Variants in EML4 observed in about 807,000 individuals in gnomAD.
The protein encoded by EML4 is EMAP like 4, also known as echinoderm microtubule-associated protein-like 4.
Under a neutral mutation model 129.0 loss-of-function variants are expected in EML4, and 72 were observed. The ratio of observed to expected loss-of-function variants is 0.56; its 90% CI spans 0.46 to 0.68. The LOEUF (loss-of-function observed/expected upper bound fraction) is 0.68. Ranked by LOEUF, EML4 falls within the 30% of genes least tolerant of loss-of-function variation. The pLI is 0.00. For missense variants in EML4, 1,363 were observed against 1,190.6 expected, an observed-to-expected ratio of 1.14 and a Z score of -2.13; for synonymous variants, 532 against 405.0, an observed-to-expected ratio of 1.31 and a Z score of -3.77.
At position 42,330,167 on chromosome 2, in the gene EML4, C is replaced by T; in HGVS notation, c.2906C>T (p.Thr969Ile). The change falls in exon 23 of 23, where the codon ACC becomes ATC. Residue 969 changes from threonine to isoleucine, a missense_variant. Coordinates refer to ENST00000318522, the MANE Select transcript of EML4 (RefSeq NM_019063.5). The part of the protein sequence containing the change: ...NEISKEQAKA[T>I]LLEDQQDPSP... ...ATAAGCAAGGAGCAGGCCAAAGCCA[C>T]CCTTCTGGAGGACCAGCAAGACCCT... 1.9e-6 allele frequency: 3 copies of T among 1,612,446 alleles called. No individual in the cohort carries two copies. Among genetic ancestry groups the T allele is most frequent in the Non-Finnish European group, 2.5e-6 (3 of 1,179,790 alleles).
rs764969664 is a variant in EML4 at position 42,316,021 on chromosome 2, A to C, written c.2027A>C (p.Glu676Ala). ...DLVSIHTDGN[E>A]QLSVMRYSID... is the part of the protein sequence containing the mutation. ...GTTTCTATCCACACAGACGGGAATG[A>C]ACAGCTCTCTGTGATGCGCTACTCA... Residue 676 changes from glutamate (E) to alanine (A), a missense_variant, in exon 18 of 23, where the codon GAA (glutamate) becomes GCA (alanine). Physicochemically the swap from Glu to Ala is moderately radical, Grantham distance 107 (BLOSUM62 -1). Coordinates refer to ENST00000318522, the MANE Select transcript of EML4 (RefSeq NM_019063.5). 1.1e-5 allele frequency: 17 copies of C among 1,613,920 alleles called. No homozygotes were observed. Among genetic ancestry groups the C allele is most frequent in the Non-Finnish European group, 1.4e-5 (16 of 1,179,812 alleles).
intron 3 of EML4, among the ~76,000 whole-genome samples, chr2:42,258,920 A>G (rs1665531670): frequency 6.6e-6 from 1 of 152,192 alleles, no homozygotes; most frequent in African/African-American, 2.4e-5. Flanking sequence ...GTTGATTATA[A>G]TCGAATTACA....
chr2:42,326,666 G>A (rs1669824956), intron 21 of EML4, among the ~76,000 whole-genome samples: 1 of 152,156 alleles, frequency 6.6e-6, no homozygotes, highest in Non-Finnish European at 1.5e-5. Context: ...CAAATCACCT[G>A]AGTTCAGGAG....
At chr2:42,235,160 C>G in intron 1 of EML4, among the ~76,000 whole-genome samples, 1 of 151,994 alleles carries the variant, frequency 6.6e-6, no homozygotes, top group South Asian at 2.1e-4. Context: ...GCCGGGTGTG[C>G]TTGCAGGTGC....
chr2:42,246,411 G>C (rs1675404639), intron 2 of EML4, among the ~76,000 whole-genome samples: 1 of 152,184 alleles, frequency 6.6e-6, no homozygotes, highest in African/African-American at 2.4e-5. Flanking sequence ...TTGGCAGTGG[G>C]AAAAGTGAGG....
At chr2:42,248,123 C>T (rs188837421) in intron 2 of EML4, among the ~76,000 whole-genome samples, 55 of 152,198 alleles carry the variant, frequency 3.6e-4, no homozygotes, top group African/African-American at 1.2e-3. Flanking sequence ...CAGGTGTACA[C>T]CACCATGCCC....
intron 1 of EML4, among the ~76,000 whole-genome samples, chr2:42,177,762 A>G (rs1465783945): frequency 6.6e-6 from 1 of 152,230 alleles, no homozygotes; most frequent in African/African-American, 2.4e-5. Flanking sequence ...AGTACAAGTC[A>G]TGTGCATGAC....
At chr2:42,276,192 A>G (rs528673834) in intron 6 of EML4, among the ~76,000 whole-genome samples, 1 of 152,272 alleles carries the variant, frequency 6.6e-6, no homozygotes, top group Non-Finnish European at 1.5e-5. Context: ...GTGCAGGCCA[A>G]AGGTATGTTT....
chr2:42,313,015 G>C (rs182195845), intron 17 of EML4, among the ~76,000 whole-genome samples: 216 of 138,290 alleles, frequency 1.6e-3, no homozygotes, highest in African/African-American at 5.7e-3. Context: ...GTGGTGCCAT[G>C]TCAGCTTGCG....
rs1670151921 is a variant in EML4, at chr2:42,332,453, G to T, written c.*2246G>T. On this transcript the variant is annotated 3_prime_UTR_variant, in exon 23 of 23. Transcript: ENST00000318522. ...GAAAATGAATCCAAGTGTTTCATGTGAAGATGTTGAGCCATTGCTATCATG... is the reference window on the plus strand; with the variant it reads ...GAAAATGAATCCAAGTGTTTCATGTTAAGATGTTGAGCCATTGCTATCATG... 1 of 198,324 alleles carries T rather than the reference G, an allele frequency of 5.0e-6. No individual in the cohort carries two copies. The highest frequency in any genetic ancestry group is 6.1e-5 in the Admixed American group (1 of 16,510). 12.3% of individuals were successfully genotyped at this position (198,324 alleles called of 1,614,324 possible). A position where few individuals can be genotyped will look rare whatever the true frequency, so the allele number is the denominator to read the frequency against.
chr2:42,261,769 T>G (rs1665753858), intron 4 of EML4, among the ~76,000 whole-genome samples: 1 of 152,166 alleles, frequency 6.6e-6, no homozygotes, highest in African/African-American at 2.4e-5. Flanking sequence ...TTTTGGGTCT[T>G]GGGAGGATAA....
intron 1 of EML4, among the ~76,000 whole-genome samples, chr2:42,235,114 G>T (rs1257615638): frequency 2.0e-5 from 3 of 152,134 alleles, no homozygotes; most frequent in Non-Finnish European, 4.4e-5. Context: ...TGGCCAACAT[G>T]GTGAGATCCC....
At chr2:42,211,148 A>G (rs1672863260) in intron 1 of EML4, among the ~76,000 whole-genome samples, 1 of 152,220 alleles carries the variant, frequency 6.6e-6, no homozygotes, top group African/African-American at 2.4e-5. Context: ...ACCACAGTAG[A>G]TAGTGTGGAA....
rs55788851 is a variant in EML4 at position 42,210,157 on chromosome 2, C to T, written c.26-35348C>T. On this transcript the variant is annotated intron_variant, in intron 1 of 22. Coordinates refer to ENST00000318522, the MANE Select transcript of EML4 (RefSeq NM_019063.5). ...TTATTAAGATTTACTTAGTTTTTAC[C>T]TAGTGCCTCTTTTCTCTTCCAGGGT... 4.7e-3 allele frequency among the ~76,000 whole-genome samples: 721 copies of T among 152,076 alleles called. 6 individuals carry two copies. Among genetic ancestry groups the T allele is most frequent in the African/African-American group, 0.017 (685 of 41,454 alleles).
In EML4 at chr2:42,303,483, A is replaced by T. The variant is rs368963523; in HGVS notation, c.1899+37A>T. On this transcript the variant is annotated intron_variant, in intron 16 of 22. Coordinates refer to ENST00000318522, the MANE Select transcript of EML4 (RefSeq NM_019063.5). ...AGGATGTGATTATTAACCTCCCCAC[A>T]GAAACTCCTCACACTGGCAGTTGAG... 7 of 1,602,766 alleles carry T rather than the reference A, an allele frequency of 4.4e-6. No individual in the cohort carries two copies. The African/African-American group carries it at 8.0e-5, about 18-fold the overall frequency.
intron 19 of EML4, among the ~76,000 whole-genome samples, chr2:42,320,215 A>G (rs1450858733): frequency 6.9e-6 from 1 of 143,992 alleles, no homozygotes; most frequent in Non-Finnish European, 1.5e-5. Context: ...AAACAAGCTT[A>G]TTATTACTCA....
chr2:42,283,073 C>T, intron 8 of EML4, 101 bp downstream of exon 8: 1 of 1,138,552 alleles, frequency 8.8e-7, no homozygotes, highest in East Asian at 2.5e-5. Context: ...GTGGAAAGCT[C>T]AGAATGTAAA....
At position 42,295,110 on chromosome 2, in the gene EML4, T is replaced by C; in HGVS notation, c.1219-15T>C. ...GGATATACATTCATCTAAAGCTTTA[T>C]TTCCCTTTTCATAGACAACAAATGA... On this transcript the variant is annotated splice_polypyrimidine_tract_variant and intron_variant, in intron 11 of 22. Coordinates refer to ENST00000318522, the MANE Select transcript of EML4 (RefSeq NM_019063.5). The C allele has an allele frequency of 1.3e-6, 2 of 1,599,888 alleles. 1 individual carries two copies. The highest frequency in any genetic ancestry group is 2.3e-5 in the South Asian group (2 of 88,070).
chr2:42,187,171 G>A lies in EML4; in HGVS notation c.25+17535G>A, dbSNP rs536796659. Among the ~76,000 whole-genome samples, 4 of 151,800 alleles carry A rather than the reference G, an allele frequency of 2.6e-5. No individual in the cohort carries two copies. In the South Asian group the frequency reaches 8.3e-4, roughly 32 times the overall value. The stretch of plus-strand genomic sequence containing the variant: ...TAATCCTCTCACTTCAGCCTCCCAA[G>A]TAGCTGGGACTATAGGCACACACCA... On this transcript the variant is annotated intron_variant, in intron 1 of 22. Transcript: ENST00000318522.
Sources: gnomAD v4.1 joint callset for allele counts (sites outside exome capture counted in the v4.1 genomes callset) on GRCh38, gnomAD v4.1.1 for gene constraint, MANE v1.5 for transcripts, NCBI Gene and HGNC (gene_info 2026-07-23, HGNC 2026-07-21) for gene names.